DOCK3: variants seen among roughly 807,000 people sequenced by gnomAD.
DOCK3 encodes the protein dedicator of cytokinesis 3, also known as dedicator of cytokinesis protein 3.
Under a neutral mutation model 265.6 loss-of-function variants are expected in DOCK3, and 60 were observed. The observed-to-expected ratio is 0.23, with a 90% CI of 0.18 to 0.28. The LOEUF is 0.28. Among genes scored for constraint, DOCK3 ranks in the 10% least tolerant of loss-of-function variants. DOCK3 has a pLI of 1.00. For missense variants in DOCK3, 1,981 were observed against 2,594.3 expected, an observed-to-expected ratio of 0.76 and a Z score of 5.14; for synonymous variants, 881 against 938.0, an observed-to-expected ratio of 0.94 and a Z score of 1.11.
chr3:51,305,347 C>G (rs1479725739), intron 27 of DOCK3, among the ~76,000 whole-genome samples: 2 of 152,080 alleles, frequency 1.3e-5, no homozygotes, highest in African/African-American at 4.8e-5. Flanking sequence ...GTCTTAATGT[C>G]TATATTGTCT....
chr3:51,122,856 A>G (rs2084091751), intron 9 of DOCK3, among the ~76,000 whole-genome samples: 1 of 152,232 alleles, frequency 6.6e-6, no homozygotes, highest in Admixed American at 6.5e-5. Flanking sequence ...ATTAGGGAGA[A>G]CGATGCTGGG....
At chr3:51,043,206 CA>C (rs1468783809) in intron 5 of DOCK3, among the ~76,000 whole-genome samples, 1 of 152,104 alleles carries the variant, frequency 6.6e-6, no homozygotes, top group Non-Finnish European at 1.5e-5. Context: ...CTACAGTAAC[CA>C]AAGCAGCATG....
intron 1 of DOCK3, among the ~76,000 whole-genome samples, chr3:50,778,054 T>C (rs1293776553): frequency 6.6e-6 from 1 of 152,176 alleles, no homozygotes; most frequent in Non-Finnish European, 1.5e-5. Context: ...GTTTGTCATA[T>C]ATAGCTTTTA....
At chr3:50,712,201 G>A (rs539038334) in intron 1 of DOCK3, among the ~76,000 whole-genome samples, 1 of 152,102 alleles carries the variant, frequency 6.6e-6, no homozygotes, top group East Asian at 1.9e-4. Flanking sequence ...GCTTGCCTTA[G>A]AGTTAATTTT....
rs1447179724 is a variant in DOCK3 at position 51,357,963 on chromosome 3, T to A, written c.4770T>A (p.Val1590=). The A allele has an allele frequency of 6.2e-7, 1 of 1,613,894 alleles. No individual in the cohort carries two copies. The highest frequency in any genetic ancestry group is 8.5e-7 in the Non-Finnish European group (1 of 1,179,896). ...GGCCTTGTTTGTGACTCTGATAGGTTCATGTCCTTGGAGTTGGGCTAGCAG... is the reference window on the plus strand; with the variant it reads ...GGCCTTGTTTGTGACTCTGATAGGTACATGTCCTTGGAGTTGGGCTAGCAG... ...TQLKELMQEQ[V]HVLGVGLAVH... is the part of the protein sequence containing the mutation. Residue 1590 remains valine, a splice_region_variant and synonymous_variant, in exon 46 of 53, where the codon GTT becomes GTA. Transcript: ENST00000266037.
intron 26 of DOCK3, 62 bp from the exon 27 acceptor site, chr3:51,280,044 G>A: frequency 7.2e-7 from 1 of 1,394,578 alleles, no homozygotes; most frequent in Admixed American, 1.8e-5. Context: ...GCCCTCTATG[G>A]ATTGGGGGAA....
intron 1 of DOCK3, among the ~76,000 whole-genome samples, chr3:50,743,610 T>C (rs992010674): frequency 1.6e-4 from 24 of 151,648 alleles, no homozygotes; most frequent in African/African-American, 5.8e-4. Flanking sequence ...TACATAATGG[T>C]AAAGGGATCA....
chr3:50,927,211 A>C (rs982803968), intron 4 of DOCK3, among the ~76,000 whole-genome samples: 1 of 152,160 alleles, frequency 6.6e-6, no homozygotes, highest in East Asian at 1.9e-4. Flanking sequence ...CCTTGACTAC[A>C]GTATTTATTT....
intron 5 of DOCK3, among the ~76,000 whole-genome samples, chr3:51,016,585 C>T (rs1272160290): frequency 2.3e-4 from 17 of 74,402 alleles, no homozygotes; most frequent in African/African-American, 7.3e-4. Context: ...TTATATATAT[C>T]ATATATTATA....
chr3:50,728,928 T>C (rs1462370398), intron 1 of DOCK3, among the ~76,000 whole-genome samples: 3 of 149,844 alleles, frequency 2.0e-5, no homozygotes, highest in African/African-American at 7.3e-5. Flanking sequence ...TTCACCATGT[T>C]GGCCATGCTG....
At chr3:50,805,456 A>G (rs1014818974) in intron 2 of DOCK3, among the ~76,000 whole-genome samples, 6 of 152,102 alleles carry the variant, frequency 3.9e-5, no homozygotes, top group Non-Finnish European at 7.3e-5. Context: ...GAACATAGGT[A>G]TACAGTTGCT....
intron 12 of DOCK3, among the ~76,000 whole-genome samples, chr3:51,181,712 A>G (rs2087306119): frequency 6.6e-6 from 1 of 152,194 alleles, no homozygotes; most frequent in African/African-American, 2.4e-5. Flanking sequence ...ACCTCTGAGG[A>G]GTTCCTGAGA....
At chr3:51,292,844 A>T (rs2081863735) in intron 27 of DOCK3, among the ~76,000 whole-genome samples, 1 of 148,806 alleles carries the variant, frequency 6.7e-6, no homozygotes, top group African/African-American at 2.5e-5. Context: ...CACCCAGCTA[A>T]TTTTTTTGTA....
chr3:50,869,881 C>G (rs2047354008), intron 3 of DOCK3, among the ~76,000 whole-genome samples: 1 of 152,180 alleles, frequency 6.6e-6, no homozygotes, highest in African/African-American at 2.4e-5. Context: ...CACTGATCCA[C>G]TGGTCATTCA....
chr3:51,296,407 T>C (rs1449788206), intron 27 of DOCK3, among the ~76,000 whole-genome samples: 1 of 151,758 alleles, frequency 6.6e-6, no homozygotes. Context: ...AATCAAGATT[T>C]GTACTAACAT....
intron 24 of DOCK3, among the ~76,000 whole-genome samples, chr3:51,274,649 C>T (rs888721899): frequency 1.3e-5 from 2 of 152,016 alleles, no homozygotes; most frequent in African/African-American, 4.8e-5. Context: ...TGGTGCCATA[C>T]ACCTGTGGTC....
chr3:50,869,469 C>T (rs2047333815), intron 3 of DOCK3, among the ~76,000 whole-genome samples: 1 of 143,776 alleles, frequency 7.0e-6, no homozygotes, highest in African/African-American at 2.6e-5. Flanking sequence ...CTGCTAGGCT[C>T]AAGTGATTCT....
intron 5 of DOCK3, among the ~76,000 whole-genome samples, chr3:51,030,759 C>A (rs1292406597): frequency 6.6e-6 from 1 of 152,176 alleles, no homozygotes; most frequent in East Asian, 1.9e-4. Context: ...TAAATCTTAG[C>A]CCCTCAAGTT....
rs2042054007 is a variant in DOCK3 at position 50,783,940 on chromosome 3, T to C, written c.121+5182T>C. On this transcript the variant is annotated intron_variant, in intron 2 of 52. Transcript: ENST00000266037. Reference sequence around the variant, plus strand: ...TGGGGTGCAGTGGCATGATCTGGGCTCACCGCAACCTCCGCCTCCCAAGTT... The same window carrying C: ...TGGGGTGCAGTGGCATGATCTGGGCCCACCGCAACCTCCGCCTCCCAAGTT... 2.0e-5 allele frequency among the ~76,000 whole-genome samples: 3 copies of C among 151,642 alleles called. 1 individual carries two copies. In the South Asian group the frequency reaches 6.3e-4, roughly 32 times the overall value.
Sources: allele counts gnomAD v4.1 joint callset (sites outside exome capture counted in the v4.1 genomes callset), GRCh38; gene constraint gnomAD v4.1.1; transcripts MANE v1.5; gene names NCBI Gene and HGNC (gene_info 2026-07-23, HGNC 2026-07-21).